Variants in DPY19L3 observed in about 807,000 individuals in gnomAD.
DPY19L3 encodes dpy-19 like C-mannosyltransferase 3, also known as protein C-mannosyl-transferase DPY19L3.
In DPY19L3, 51 loss-of-function variants were observed where a neutral mutation model predicts 92.3. That is an observed-to-expected ratio of 0.55 (90% CI 0.44 to 0.70). The LOEUF is 0.70. DPY19L3 is among the 30% of genes least tolerant of loss of function. The pLI is 0.00. For synonymous variants in DPY19L3, 309 were observed against 315.2 expected (o/e 0.98, Z 0.21); for missense variants, 706 against 855.9 (o/e 0.82, Z 2.18).
In DPY19L3 at chr19:32,463,353, C is replaced by T. The variant is rs1233686462; in HGVS notation, c.1323-13C>T. The T allele has an allele frequency of 6.2e-7, 1 of 1,612,262 alleles. No homozygotes were observed. Among genetic ancestry groups the T allele is most frequent in the African/African-American group, 1.3e-5 (1 of 74,844 alleles). ...TTTCCAGCTTAAATTTTGTATGTTG[C>T]TGTTTTACTCAGTGATTCTACAAAT... On this transcript the variant is annotated splice_polypyrimidine_tract_variant and intron_variant, in intron 12 of 18. Coordinates refer to ENST00000392250, the MANE Select transcript of DPY19L3 (RefSeq NM_001172774.2).
intron 17 of DPY19L3, among the ~76,000 whole-genome samples, chr19:32,478,360 G>A (rs1008360547): frequency 4.6e-5 from 7 of 152,160 alleles, no homozygotes; most frequent in Non-Finnish European, 1.0e-4. Flanking sequence ...CAAAGCTTTT[G>A]GATTAGGGAG....
chr19:32,440,150 G>A (rs1318473440), intron 8 of DPY19L3, among the ~76,000 whole-genome samples: 1 of 152,174 alleles, frequency 6.6e-6, no homozygotes, highest in Non-Finnish European at 1.5e-5. Flanking sequence ...GGGCATAAAT[G>A]CCTAGGTCAA....
At chr19:32,452,368 G>A (rs1423868465) in intron 8 of DPY19L3, among the ~76,000 whole-genome samples, 1 of 152,170 alleles carries the variant, frequency 6.6e-6, no homozygotes, top group Admixed American at 6.5e-5. Flanking sequence ...CAGCAGGAGG[G>A]GTTTGCAGTC....
At chr19:32,463,673 G>A (rs1453402321) in intron 13 of DPY19L3, among the ~76,000 whole-genome samples, 185 bp downstream of exon 13, 2 of 151,998 alleles carry the variant, frequency 1.3e-5, no homozygotes, top group African/African-American at 4.8e-5. Context: ...TTACAAACAC[G>A]CCTCTATGTT....
chr19:32,447,771 A>G (rs578260800), intron 8 of DPY19L3, among the ~76,000 whole-genome samples: 1 of 120,030 alleles, frequency 8.3e-6, no homozygotes, highest in Non-Finnish European at 1.7e-5. Flanking sequence ...ATAGATAGAT[A>G]GATAGATTAG....
intron 3 of DPY19L3, chr19:32,411,808 T>C: frequency 6.0e-6 from 1 of 165,838 alleles, no homozygotes; most frequent in Non-Finnish European, 1.3e-5. Context: ...CCTTGTGATC[T>C]GCCTGTCTCA....
At chr19:32,454,498 C>CA (rs1969803861) in intron 9 of DPY19L3, among the ~76,000 whole-genome samples, 1 of 152,128 alleles carries the variant, frequency 6.6e-6, no homozygotes, top group African/African-American at 2.4e-5. Flanking sequence ...GGCATGAACC[C>CA]AGGAGGCGGA....
At chr19:32,422,205 A>G (rs1356585721) in intron 3 of DPY19L3, among the ~76,000 whole-genome samples, 1 of 152,224 alleles carries the variant, frequency 6.6e-6, no homozygotes, top group Non-Finnish European at 1.5e-5. Flanking sequence ...AGTCACCAGA[A>G]TAATTTTACA....
chr19:32,467,644 C>T, intron 15 of DPY19L3: 2 of 987,594 alleles, frequency 2.0e-6, no homozygotes, highest in Non-Finnish European at 2.4e-6. Context: ...TTTGATTCTA[C>T]TAGTGGTTCT....
intron 8 of DPY19L3, among the ~76,000 whole-genome samples, chr19:32,448,193 T>G (rs1328112187): frequency 2.0e-5 from 3 of 152,226 alleles, no homozygotes; most frequent in African/African-American, 7.2e-5. Flanking sequence ...ACACAGACTC[T>G]ACAACTAGGC....
At chr19:32,476,242 T>G (rs2145633071) in intron 16 of DPY19L3, among the ~76,000 whole-genome samples, 1 of 152,220 alleles carries the variant, frequency 6.6e-6, no homozygotes, top group South Asian at 2.1e-4. Context: ...CAGAGCTAGT[T>G]GCGTGCCCTG....
chr19:32,468,661 TTTAATC>T lies in DPY19L3; in HGVS notation c.1615-66_1615-61del, dbSNP rs1390514621. 1.9e-6 allele frequency: 3 copies of T among 1,579,168 alleles called. No homozygotes were observed. The Admixed American group carries it at 5.7e-5, about 30-fold the overall frequency. On this transcript the variant is annotated intron_variant, in intron 15 of 18. Coordinates refer to ENST00000392250, the MANE Select transcript of DPY19L3 (RefSeq NM_001172774.2). ...TTATATGCAGTTTATCTTTTTTTCA[TTTAATC>T]TTAGTGATAGTTGTGGGTGTAGGGG...
At chr19:32,437,041 G>A (rs1022009299) in intron 5 of DPY19L3, among the ~76,000 whole-genome samples, 153 bp from the exon 6 acceptor site, 1 of 148,632 alleles carries the variant, frequency 6.7e-6, no homozygotes, top group Admixed American at 6.7e-5. Flanking sequence ...AAGGCTACCC[G>A]AACGCTTCTC....
At chr19:32,457,107 T>G (rs1249017383) in intron 10 of DPY19L3, among the ~76,000 whole-genome samples, 1 of 152,204 alleles carries the variant, frequency 6.6e-6, no homozygotes, top group East Asian at 1.9e-4. Context: ...TGACCTGTTC[T>G]TGGATTAAAC....
At chr19:32,430,737 T>C (rs1343608143) in intron 3 of DPY19L3, among the ~76,000 whole-genome samples, 3 of 151,272 alleles carry the variant, frequency 2.0e-5, no homozygotes, top group Non-Finnish European at 2.9e-5. Context: ...CGATCCCCCT[T>C]CCTCAACCTC....
chr19:32,420,176 T>C (rs1478747827), intron 3 of DPY19L3, among the ~76,000 whole-genome samples: 1 of 152,058 alleles, frequency 6.6e-6, no homozygotes, highest in African/African-American at 2.4e-5. Context: ...CCTGTTTTCT[T>C]ACTTGGTGTT....
intron 16 of DPY19L3, among the ~76,000 whole-genome samples, chr19:32,470,824 G>C (rs1199122966): frequency 1.6e-5 from 2 of 126,528 alleles, no homozygotes; most frequent in Admixed American, 8.9e-5. Context: ...GCAACTGAAG[G>C]ATTTGCCTTG....
chr19:32,471,560 A>G (rs1485703756), intron 16 of DPY19L3, among the ~76,000 whole-genome samples: 1 of 152,070 alleles, frequency 6.6e-6, no homozygotes, highest in Non-Finnish European at 1.5e-5. Flanking sequence ...AAGCTTATCC[A>G]TCCTCTTCAT....
chr19:32,405,989 G>A (rs1967926831), intron 1 of DPY19L3, 80 bp downstream of exon 1: 1 of 151,208 alleles, frequency 6.6e-6, no homozygotes, highest in African/African-American at 2.4e-5. Context: ...CTCGGCTACA[G>A]CCCCGAGCCC....
Sources: gnomAD v4.1 joint callset for allele counts (sites outside exome capture counted in the v4.1 genomes callset) on GRCh38, gnomAD v4.1.1 for gene constraint, MANE v1.5 for transcripts, NCBI Gene and HGNC (gene_info 2026-07-23, HGNC 2026-07-21) for gene names.